Variants in IFNG-AS1 observed in about 807,000 individuals in gnomAD.
IFNG-AS1 encodes IFNG regulatory antisense RNA 1.
intron 3 of IFNG-AS1, among the ~76,000 whole-genome samples, chr12:68,018,109 A>G (rs999394681): frequency 3.8e-4 from 57 of 151,962 alleles, no homozygotes; most frequent in Non-Finnish European, 4.1e-4. Flanking sequence ...CACCCATCCA[A>G]GCCAGTCATC....
intron 2 of IFNG-AS1, among the ~76,000 whole-genome samples, chr12:68,004,688 G>A (rs998471208): frequency 2.0e-5 from 3 of 152,200 alleles, no homozygotes; most frequent in Middle Eastern, 3.4e-3. Context: ...ACACCAATAC[G>A]TCTGCTTGTC....
chr12:68,009,577 G>T (rs992000017), intron 3 of IFNG-AS1, among the ~76,000 whole-genome samples: 19 of 152,092 alleles, frequency 1.2e-4, no homozygotes, highest in Admixed American at 6.6e-4. Flanking sequence ...TCTTGGCCTC[G>T]TGATCCACCC....
intron 2 of IFNG-AS1, among the ~76,000 whole-genome samples, chr12:67,998,335 T>C (rs1298017691): frequency 6.6e-6 from 1 of 151,640 alleles, no homozygotes; most frequent in African/African-American, 2.4e-5. Context: ...ATTTGGATTG[T>C]TTTTCAGAAC....
At chr12:68,006,783 G>T (rs998675352) in intron 3 of IFNG-AS1, among the ~76,000 whole-genome samples, 1 of 152,162 alleles carries the variant, frequency 6.6e-6, no homozygotes, top group Non-Finnish European at 1.5e-5. Context: ...GCAAGGAAAT[G>T]AATTTTGCCA....
intron 3 of IFNG-AS1, among the ~76,000 whole-genome samples, chr12:68,008,142 C>A (rs1879946101): frequency 6.6e-6 from 1 of 152,122 alleles, no homozygotes; most frequent in Non-Finnish European, 1.5e-5. Flanking sequence ...TACAGCCAGG[C>A]GCAGTGGCTC....
chr12:68,019,010 G>A (rs1880223722), intron 3 of IFNG-AS1, among the ~76,000 whole-genome samples: 1 of 152,036 alleles, frequency 6.6e-6, no homozygotes, highest in Non-Finnish European at 1.5e-5. Flanking sequence ...TCCATAAAGT[G>A]TGCAGGAGGT....
chr12:68,021,130 T>C (rs1452708969), intron 4 of IFNG-AS1: 1 of 152,194 alleles, frequency 6.6e-6, no homozygotes, highest in Non-Finnish European at 1.5e-5. Flanking sequence ...GTCTAAGTAT[T>C]TGTTTTTCTC....
At chr12:68,010,375 C>T (rs952960461) in intron 3 of IFNG-AS1, among the ~76,000 whole-genome samples, 4 of 152,178 alleles carry the variant, frequency 2.6e-5, no homozygotes, top group Admixed American at 6.5e-5. Flanking sequence ...GGTCTTCAGA[C>T]GCCAGTTTGC....
At chr12:68,014,307 G>C (rs1357517931) in intron 3 of IFNG-AS1, among the ~76,000 whole-genome samples, 1 of 152,196 alleles carries the variant, frequency 6.6e-6, no homozygotes, top group Admixed American at 6.5e-5. Context: ...ATACCCACTA[G>C]TGGGATTGCT....
intron 4 of IFNG-AS1, chr12:68,020,731 A>T (rs992500140): frequency 3.3e-5 from 5 of 152,160 alleles, no homozygotes; most frequent in African/African-American, 1.2e-4. Flanking sequence ...ATCAACTCTT[A>T]TATTCCCTTA....
chr12:68,012,710 C>A (rs1217830648), intron 3 of IFNG-AS1, among the ~76,000 whole-genome samples: 1 of 152,166 alleles, frequency 6.6e-6, no homozygotes, highest in Admixed American at 6.5e-5. Flanking sequence ...TATCTATTAC[C>A]ATCACTGTAT....
chr12:67,996,458 A>G (rs779079213), intron 2 of IFNG-AS1, among the ~76,000 whole-genome samples: 20 of 152,236 alleles, frequency 1.3e-4, no homozygotes, highest in Non-Finnish European at 2.5e-4. Context: ...TGTTATTTTT[A>G]TAACTACAAA....
chr12:68,003,011 G>T (rs1383640659), intron 2 of IFNG-AS1, among the ~76,000 whole-genome samples: 1 of 152,014 alleles, frequency 6.6e-6, no homozygotes, highest in Non-Finnish European at 1.5e-5. Context: ...GTGTTATTTA[G>T]TATGTTGCTT....
intron 3 of IFNG-AS1, among the ~76,000 whole-genome samples, chr12:68,019,298 T>A (rs963317578): frequency 3.3e-5 from 5 of 152,158 alleles, no homozygotes; most frequent in Non-Finnish European, 7.4e-5. Context: ...CCAGGCTCTG[T>A]TCTAAGTGCC....
At chr12:67,993,298 G>A (rs1218134182) in intron 1 of IFNG-AS1, among the ~76,000 whole-genome samples, 1 of 152,146 alleles carries the variant, frequency 6.6e-6, no homozygotes, top group Non-Finnish European at 1.5e-5. Flanking sequence ...ATTTAGAAGA[G>A]CAATCTGGCA....
intron 4 of IFNG-AS1, chr12:68,020,214 CAT>C (rs1880254873): frequency 1.3e-5 from 2 of 152,070 alleles, no homozygotes; most frequent in South Asian, 4.2e-4. Context: ...ACATATGAAG[CAT>C]GACACACGAA....
intron 1 of IFNG-AS1, among the ~76,000 whole-genome samples, chr12:67,994,097 T>C (rs1443306359): frequency 6.6e-6 from 1 of 152,150 alleles, no homozygotes; most frequent in African/African-American, 2.4e-5. Flanking sequence ...TTGGGAGGCA[T>C]GTCAGTAGAG....
intron 2 of IFNG-AS1, among the ~76,000 whole-genome samples, chr12:68,005,321 C>G (rs576780725): frequency 2.6e-5 from 4 of 152,308 alleles, no homozygotes; most frequent in African/African-American, 9.6e-5. Context: ...AAGGCCTATA[C>G]TGACAGACAA....
At chr12:67,989,698 G>A (rs892336933) in intron 1 of IFNG-AS1, 1 of 152,100 alleles carries the variant, frequency 6.6e-6, no homozygotes, top group Non-Finnish European at 1.5e-5. Flanking sequence ...GTAAGTGGGT[G>A]GTGTTTGTCA....
Sources: gnomAD v4.1 joint callset for allele counts (sites outside exome capture counted in the v4.1 genomes callset) on GRCh38, gnomAD v4.1.1 for gene constraint, MANE v1.5 for transcripts, NCBI Gene and HGNC (gene_info 2026-07-23, HGNC 2026-07-21) for gene names.